The following ADRA1B variants were observed in gnomAD, a reference collection of about 807,000 sequenced individuals.
ADRA1B encodes the protein adrenoceptor alpha 1B, also known as alpha-1B adrenergic receptor.
ADRA1B carries 17 observed loss-of-function variants against 17.9 expected under a neutral mutation model. The observed-to-expected ratio is 0.95, with a 90% CI of 0.65 to 1.42. ADRA1B has a LOEUF of 1.42. Ranked by LOEUF, ADRA1B falls within the 40% of genes most tolerant of loss-of-function variation. ADRA1B has a pLI of 0.00. For missense variants in ADRA1B, 681 were observed against 722.1 expected, an observed-to-expected ratio of 0.94 and a Z score of 0.65; for synonymous variants, 366 against 327.6, an observed-to-expected ratio of 1.12 and a Z score of -1.27.
intron 1 of ADRA1B, among the ~76,000 whole-genome samples, chr5:159,874,132 CT>C (rs1324712224): frequency 6.6e-6 from 1 of 152,074 alleles, no homozygotes. Context: ...AAAATATTCC[CT>C]CTGAAGATTC....
downstream of ADRA1B, among the ~76,000 whole-genome samples, chr5:159,977,799 C>T (rs1176028787): frequency 6.6e-6 from 1 of 152,096 alleles, no homozygotes; most frequent in Non-Finnish European, 1.5e-5. Flanking sequence ...ATCTTCTTTC[C>T]TACCATCCCA....
At chr5:159,986,717 T>C in the ADRA1B span, among the ~76,000 whole-genome samples, 10 of 152,186 alleles carry the variant, frequency 6.6e-5, no homozygotes, top group African/African-American at 2.4e-4. Flanking sequence ...TTGAGAAGCA[T>C]TGCACAGATG....
chr5:159,927,085 C>T (rs1375564620), intron 1 of ADRA1B, among the ~76,000 whole-genome samples: 2 of 152,140 alleles, frequency 1.3e-5, no homozygotes, highest in Admixed American at 6.5e-5. Flanking sequence ...GGTCAAGACC[C>T]GTGTGGACAC....
intron 1 of ADRA1B, chr5:159,951,078 T>C (rs1485766757): frequency 2.3e-5 from 17 of 729,392 alleles, no homozygotes. Context: ...TTGAGTCTGT[T>C]GTCATACTTC....
chr5:159,940,930 A>T (rs899703141), intron 1 of ADRA1B, among the ~76,000 whole-genome samples: 1 of 152,234 alleles, frequency 6.6e-6, no homozygotes, highest in Non-Finnish European at 1.5e-5. Flanking sequence ...GTTGGGAGTT[A>T]CCTGAATTTC....
At chr5:159,883,691 C>G (rs1303309722) in intron 1 of ADRA1B, among the ~76,000 whole-genome samples, 1 of 152,192 alleles carries the variant, frequency 6.6e-6, no homozygotes, top group African/African-American at 2.4e-5. Context: ...TTACTTCAAG[C>G]TCTAAGAGTC....
At chr5:159,897,178 T>A (rs562871322) in intron 1 of ADRA1B, among the ~76,000 whole-genome samples, 4 of 152,308 alleles carry the variant, frequency 2.6e-5, no homozygotes, top group South Asian at 2.1e-4. Context: ...TCTCACTAAC[T>A]AACCTGGCTA....
chr5:159,962,837 ATTTT>A (rs756263225), intron 1 of ADRA1B, among the ~76,000 whole-genome samples: 4 of 43,008 alleles, frequency 9.3e-5, no homozygotes, highest in African/African-American at 3.7e-4. Context: ...ACACCTGGCT[ATTTT>A]TTTTTTTTTT....
chr5:159,951,082 A>C lies in ADRA1B; in HGVS notation c.950-20797A>C, dbSNP rs187144977. The C allele has an allele frequency of 3.9e-4, 283 of 731,478 alleles. 1 individual carries two copies. The African/African-American group carries it at 4.4e-3, about 11-fold the overall frequency. 45.3% of individuals were successfully genotyped at this position (731,478 alleles called of 1,614,324 possible). ...AGCTGACGATATTGAGTCTGTTGTC[A>C]TACTTCTTGTGGTTCATGCCCATCA... On this transcript the variant is annotated intron_variant, in intron 1 of 1. Transcript: ENST00000306675.
In ADRA1B at chr5:159,939,316, TGTGTGTGCGCGC is replaced by T. The variant is rs1208875251; in HGVS notation, c.949+21464_949+21475del. On this transcript the variant is annotated intron_variant, in intron 1 of 1. Coordinates refer to ENST00000306675, the MANE Select transcript of ADRA1B (RefSeq NM_000679.4). ...GTGTGTGTGTGTGTGTGTGTGTGTG[TGTGTGTGCGCGC>T]GCGCGCGCACACAATGCACTGAGGA... 2.0e-4 allele frequency among the ~76,000 whole-genome samples: 24 copies of T among 119,592 alleles called. No individual in the cohort carries two copies. In the East Asian group the frequency reaches 3.2e-3, roughly 16 times the overall value. The allele number at this position is 119,592 out of a possible 152,430, so 78.5% of individuals were successfully genotyped here. A position where few individuals can be genotyped will look rare whatever the true frequency, so the allele number is the denominator to read the frequency against.
At chr5:159,977,355 G>C (rs1755989107), downstream of ADRA1B, among the ~76,000 whole-genome samples, 1 of 152,168 alleles carries the variant, frequency 6.6e-6, no homozygotes, top group African/African-American at 2.4e-5. Context: ...AACTCAGCCT[G>C]GGTGAGAGGC....
At chr5:159,960,316 C>T (rs1755643880) in intron 1 of ADRA1B, among the ~76,000 whole-genome samples, 1 of 152,188 alleles carries the variant, frequency 6.6e-6, no homozygotes, top group African/African-American at 2.4e-5. Flanking sequence ...CAGTCCATTG[C>T]AGCCACGTTG....
At chr5:159,909,962 A>G (rs1484333077) in intron 1 of ADRA1B, among the ~76,000 whole-genome samples, 1 of 152,222 alleles carries the variant, frequency 6.6e-6, no homozygotes, top group Non-Finnish European at 1.5e-5. Context: ...ATTCTCAATA[A>G]GGTCTAGAAC....
intron 1 of ADRA1B, chr5:159,871,416 G>T (rs1364024718): frequency 6.6e-6 from 1 of 152,162 alleles, no homozygotes; most frequent in East Asian, 1.9e-4. Context: ...TCCTTTTGGA[G>T]AGCAGAAGTC....
At position 159,945,949 on chromosome 5, in the gene ADRA1B, A is replaced by G. The variant is rs190944380; in HGVS notation, c.950-25930A>G. ...TTTTTAGTAGAGATGGGGTTTCACC[A>G]TGTTAGCCAGGATGGTCTTGATCTT... On this transcript the variant is annotated intron_variant, in intron 1 of 1. Transcript: ENST00000306675. 6.7e-3 allele frequency among the ~76,000 whole-genome samples: 1,014 copies of G among 152,198 alleles called. 8 individuals are homozygous for G. Among genetic ancestry groups the G allele is most frequent in the South Asian group, 0.039 (190 of 4,828 alleles).
At chr5:159,878,557 A>T (rs911555006) in intron 1 of ADRA1B, among the ~76,000 whole-genome samples, 3 of 152,216 alleles carry the variant, frequency 2.0e-5, no homozygotes, top group African/African-American at 7.2e-5. Flanking sequence ...CCCAGGTAGC[A>T]CATATAATAA....
downstream of ADRA1B, among the ~76,000 whole-genome samples, chr5:159,975,427 CA>C (rs369417072): frequency 6.6e-5 from 10 of 152,308 alleles, no homozygotes; most frequent in African/African-American, 2.2e-4. Context: ...ACATGATCAT[CA>C]CAGCCCACCA....
chr5:159,951,890 C>G (rs989880362), intron 1 of ADRA1B, among the ~76,000 whole-genome samples: 1 of 152,188 alleles, frequency 6.6e-6, no homozygotes, highest in Admixed American at 6.5e-5. Context: ...TGGCATTGCT[C>G]GTCCACAGAT....
intron 1 of ADRA1B, among the ~76,000 whole-genome samples, chr5:159,930,668 A>C (rs1754779588): frequency 2.0e-5 from 3 of 152,200 alleles, no homozygotes; most frequent in Admixed American, 2.0e-4. Context: ...GTAAAAAAGC[A>C]AGTTATAGAG....
Sources: gnomAD v4.1 joint callset for allele counts (sites outside exome capture counted in the v4.1 genomes callset) on GRCh38, gnomAD v4.1.1 for gene constraint, MANE v1.5 for transcripts, NCBI Gene and HGNC (gene_info 2026-07-23, HGNC 2026-07-21) for gene names.